The following TET3 variants were observed in gnomAD, a reference collection of about 807,000 sequenced individuals.
TET3 encodes the protein tet methylcytosine dioxygenase 3.
In TET3, 19 loss-of-function variants were observed where a neutral mutation model predicts 141.4. The ratio of observed to expected loss-of-function variants is 0.13; its 90% CI spans 0.09 to 0.20. The LOEUF (loss-of-function observed/expected upper bound fraction) is 0.20. Ranked by LOEUF, TET3 falls within the 10% of genes least tolerant of loss-of-function variation. The pLI is 1.00. For missense variants in TET3, 1,874 were observed against 2,356.9 expected (o/e 0.80, Z 4.24); for synonymous variants, 1,043 against 980.9 (o/e 1.06, Z -1.18).
At chr2:74,108,895 G>A (rs1192300999), downstream of TET3, among the ~76,000 whole-genome samples, 3 of 152,170 alleles carry the variant, frequency 2.0e-5, no homozygotes, top group African/African-American at 4.8e-5. Context: ...GTTCATCTCT[G>A]AGGGCATCTG....
At chr2:74,099,761 G>T in intron 11 of TET3, 149 bp downstream of exon 11, 1 of 842,442 alleles carries the variant, frequency 1.2e-6, no homozygotes. Flanking sequence ...GCCACAGCCA[G>T]CCTGATAGGA....
At chr2:74,122,510 TA>T in the TET3 span, 446 of 83,058 alleles carry the variant, frequency 5.4e-3, 2 homozygotes, top group African/African-American at 0.021. Flanking sequence ...TATATATATA[TA>T]TTTTTTTTTT....
chr2:74,075,475 C>T (rs558822578), intron 5 of TET3, among the ~76,000 whole-genome samples: 1 of 151,782 alleles, frequency 6.6e-6, no homozygotes, highest in African/African-American at 2.4e-5. Context: ...ACTACAGGTA[C>T]ATGCCACCAC....
intron 3 of TET3, among the ~76,000 whole-genome samples, chr2:74,019,905 G>A (rs1338519943): frequency 6.6e-6 from 1 of 152,146 alleles, no homozygotes; most frequent in Non-Finnish European, 1.5e-5. Flanking sequence ...CTAACTAGTT[G>A]GGAGAACTGC....
chr2:74,123,755 G>A, the TET3 span, among the ~76,000 whole-genome samples: 3 of 151,332 alleles, frequency 2.0e-5, no homozygotes, highest in African/African-American at 7.3e-5. Flanking sequence ...CTGACCGGCT[G>A]CCCAGTCTGG....
At chr2:73,994,792 C>A (rs1055121503) in intron 2 of TET3, among the ~76,000 whole-genome samples, 2 of 151,634 alleles carry the variant, frequency 1.3e-5, no homozygotes, top group Admixed American at 1.3e-4. Context: ...CACGTGTCAC[C>A]GTGCCTGGCT....
At chr2:73,992,948 T>G (rs1684409225) in intron 2 of TET3, among the ~76,000 whole-genome samples, 1 of 152,214 alleles carries the variant, frequency 6.6e-6, no homozygotes, top group Admixed American at 6.5e-5. Context: ...TGGCATCTCC[T>G]GCCAGCTTGG....
chr2:74,021,270 G>C (rs1686029016), intron 3 of TET3, among the ~76,000 whole-genome samples: 1 of 152,222 alleles, frequency 6.6e-6, no homozygotes, highest in African/African-American at 2.4e-5. Flanking sequence ...GCTGAGCAGA[G>C]ACTCTGACAG....
intron 3 of TET3, among the ~76,000 whole-genome samples, chr2:74,031,550 G>A (rs752978817): frequency 6.6e-5 from 10 of 152,150 alleles, no homozygotes; most frequent in Non-Finnish European, 1.5e-4. Flanking sequence ...GATGAGTTGT[G>A]TGACTTTTCC....
rs948205687 is a variant in TET3 at position 74,103,733 on chromosome 2, T to C, written c.*1557T>C. 1 of 153,234 alleles carries C rather than the reference T, an allele frequency of 6.5e-6. No homozygotes were observed. The highest frequency in any genetic ancestry group is 6.6e-5 in the Admixed American group (1 of 15,232). The allele number at this position is 153,234 out of a possible 1,614,324, so 9.5% of individuals were successfully genotyped here. A position where few individuals can be genotyped will look rare whatever the true frequency, so the allele number is the denominator to read the frequency against. ...ATCACCAAGTCAAACTTTGTTGGAG[T>C]GTTGGTTTTTCTTGTGATATTAGCA... On this transcript the variant is annotated 3_prime_UTR_variant, in exon 12 of 12. Coordinates refer to ENST00000409262, the MANE Select transcript of TET3 (RefSeq NM_001287491.2).
At chr2:74,060,432 G>A (rs541715556) in intron 4 of TET3, among the ~76,000 whole-genome samples, 1 of 152,280 alleles carries the variant, frequency 6.6e-6, no homozygotes, top group African/African-American at 2.4e-5. Context: ...AGTTCTCAGA[G>A]TAGAGTATTG....
chr2:73,985,714 G>C (rs1683988346), intron 1 of TET3, among the ~76,000 whole-genome samples: 1 of 152,080 alleles, frequency 6.6e-6, no homozygotes, highest in Non-Finnish European at 1.5e-5. Context: ...CAGCCCGTGG[G>C]GGTGGGGAAG....
At chr2:74,129,683 G>GTT in the TET3 span, among the ~76,000 whole-genome samples, 2 of 152,022 alleles carry the variant, frequency 1.3e-5, no homozygotes, top group Non-Finnish European at 1.5e-5. Flanking sequence ...AACATCAGTT[G>GTT]TTTTACTCTT....
chr2:74,076,374 A>G (rs1235315620), intron 5 of TET3, among the ~76,000 whole-genome samples: 1 of 143,812 alleles, frequency 7.0e-6, no homozygotes, highest in Non-Finnish European at 1.5e-5. Flanking sequence ...AGATTTGTGT[A>G]CCCCATCAGG....
intron 4 of TET3, among the ~76,000 whole-genome samples, chr2:74,050,640 C>T (rs1017410297): frequency 6.6e-6 from 1 of 152,114 alleles, no homozygotes; most frequent in African/African-American, 2.4e-5. Context: ...GCCTCCACTT[C>T]CTGGGCTCAA....
Position 74,073,568 on chromosome 2 carries a change from T to C in TET3, c.2514T>C (p.Asp838=). The stretch of plus-strand genomic sequence containing the variant: ...CTGCAGAACAAATAGTGGAGAAAGA[T>C]GAAGGTCCATATTATACTCACTTGG... ...CDCVEQIVEK[D]EGPYYTHLGS... The change falls in exon 5 of 12, where the codon GAT becomes GAC. Residue 838 remains aspartate (D), a synonymous_variant. Coordinates refer to ENST00000409262, the MANE Select transcript of TET3 (RefSeq NM_001287491.2). 1 of 1,609,868 alleles carries C rather than the reference T, an allele frequency of 6.2e-7. No homozygotes were observed. The highest frequency in any genetic ancestry group is 8.5e-7 in the Non-Finnish European group (1 of 1,178,540).
chr2:74,084,105 T>C (rs1689981490), intron 6 of TET3, among the ~76,000 whole-genome samples: 1 of 152,176 alleles, frequency 6.6e-6, no homozygotes, highest in African/African-American at 2.4e-5. Context: ...AATAATACAA[T>C]TGATGCTTTA....
At chr2:74,033,065 T>A (rs1686841577) in intron 3 of TET3, among the ~76,000 whole-genome samples, 1 of 152,210 alleles carries the variant, frequency 6.6e-6, no homozygotes, top group South Asian at 2.1e-4. Context: ...GCAACAGAAA[T>A]AGCACAAAAA....
chr2:74,059,891 C>T (rs920290338), intron 4 of TET3, among the ~76,000 whole-genome samples: 2 of 152,166 alleles, frequency 1.3e-5, no homozygotes, highest in Non-Finnish European at 2.9e-5. Flanking sequence ...GTACAGCATT[C>T]CATTTTTTGA....
Sources: gnomAD v4.1 joint callset for allele counts (sites outside exome capture counted in the v4.1 genomes callset) on GRCh38, gnomAD v4.1.1 for gene constraint, MANE v1.5 for transcripts, NCBI Gene and HGNC (gene_info 2026-07-23, HGNC 2026-07-21) for gene names.